The following CTNNA3 variants were observed in gnomAD, a reference collection of about 807,000 sequenced individuals.
The protein encoded by CTNNA3 is catenin alpha 3, also known as catenin alpha-3.
In CTNNA3, 76 loss-of-function variants were observed where a neutral mutation model predicts 95.7. That is an observed-to-expected ratio of 0.79 (90% CI 0.66 to 0.96). The LOEUF is 0.96. CTNNA3 is among the 40% of genes least tolerant of loss of function. The pLI is 0.00. For missense variants in CTNNA3, 1,191 were observed against 1,089.8 expected (o/e 1.09, Z -1.31); for synonymous variants, 431 against 374.4 (o/e 1.15, Z -1.74).
chr10:66,981,339 C>A (rs979162482), intron 7 of CTNNA3, among the ~76,000 whole-genome samples: 1 of 152,162 alleles, frequency 6.6e-6, no homozygotes. Flanking sequence ...TCTGATTAGA[C>A]CTCCTGCTTT....
chr10:67,681,125 A>C (rs971704541), intron 1 of CTNNA3, among the ~76,000 whole-genome samples: 2 of 152,214 alleles, frequency 1.3e-5, no homozygotes, highest in Non-Finnish European at 2.9e-5. Context: ...CAGAAGTGTT[A>C]ATTCTCCCTG....
At chr10:66,490,903 G>C (rs1839901701) in intron 11 of CTNNA3, among the ~76,000 whole-genome samples, 1 of 152,146 alleles carries the variant, frequency 6.6e-6, no homozygotes, top group Admixed American at 6.5e-5. Flanking sequence ...GATGTAGTGA[G>C]AAATAAACCT....
chr10:67,592,323 C>CATTCA (rs1842814277), intron 3 of CTNNA3, among the ~76,000 whole-genome samples: 1 of 152,102 alleles, frequency 6.6e-6, no homozygotes, highest in African/African-American at 2.4e-5. Context: ...ATTTGCTGAA[C>CATTCA]TGCTGGAGCA....
intron 3 of CTNNA3, among the ~76,000 whole-genome samples, chr10:67,560,619 T>A (rs1841472410): frequency 6.6e-6 from 1 of 152,072 alleles, no homozygotes; most frequent in Admixed American, 6.6e-5. Context: ...AATGACAGGA[T>A]CAAATTCACA....
chr10:66,929,318 A>T (rs1472989195), intron 7 of CTNNA3, among the ~76,000 whole-genome samples: 1 of 152,218 alleles, frequency 6.6e-6, no homozygotes, highest in Non-Finnish European at 1.5e-5. Flanking sequence ...AAGGTTCGCG[A>T]ATGGGAAAGC....
chr10:67,637,142 G>C (rs1839345437), intron 2 of CTNNA3, among the ~76,000 whole-genome samples: 1 of 152,144 alleles, frequency 6.6e-6, no homozygotes, highest in African/African-American at 2.4e-5. Flanking sequence ...TGGCTAACTA[G>C]AATACCCAAC....
intron 10 of CTNNA3, among the ~76,000 whole-genome samples, chr10:66,602,369 T>A (rs1441470008): frequency 6.6e-6 from 1 of 151,982 alleles, no homozygotes; most frequent in Non-Finnish European, 1.5e-5. Context: ...ATCTTAAGTT[T>A]TAAAGCTTTT....
chr10:67,183,961 A>G (rs746482621), intron 6 of CTNNA3, among the ~76,000 whole-genome samples: 8 of 152,032 alleles, frequency 5.3e-5, no homozygotes, highest in Non-Finnish European at 8.8e-5. Context: ...TAAGATTAGG[A>G]AACAAAAAGG....
chr10:67,549,414 T>C (rs1319241815), intron 3 of CTNNA3, among the ~76,000 whole-genome samples: 1 of 152,218 alleles, frequency 6.6e-6, no homozygotes. Context: ...GGAGACCCCA[T>C]AGAGCTCATT....
chr10:67,604,832 T>C lies in CTNNA3; in HGVS notation c.292+2025A>G, dbSNP rs562020092. On this transcript the variant is annotated intron_variant, in intron 3 of 17. Coordinates refer to ENST00000433211, the MANE Select transcript of CTNNA3 (RefSeq NM_013266.4). ...AACAAGGACAAAGAGAGGGTCTCAG[T>C]TGGTAGGGAGCAGGGAAAAACAACA... 3.3e-5 allele frequency among the ~76,000 whole-genome samples: 5 copies of C among 152,348 alleles called. No homozygotes were observed. The East Asian group carries it at 7.7e-4, about 23-fold the overall frequency.
chr10:66,088,694 T>A (rs576447495), intron 14 of CTNNA3, among the ~76,000 whole-genome samples: 1 of 152,112 alleles, frequency 6.6e-6, no homozygotes, highest in Non-Finnish European at 1.5e-5. Flanking sequence ...TGTTTGAGTA[T>A]CAATTTTCCA....
chr10:67,598,941 C>G (rs1247944002), intron 3 of CTNNA3, among the ~76,000 whole-genome samples: 1 of 151,990 alleles, frequency 6.6e-6, no homozygotes, highest in East Asian at 1.9e-4. Flanking sequence ...GAAACCAATA[C>G]TCATAAGGAA....
In CTNNA3 at chr10:66,056,861, C is replaced by A. The variant is rs188466164; in HGVS notation, c.2159+12447G>T. Among the ~76,000 whole-genome samples, 387 of 152,254 alleles carry A rather than the reference C, an allele frequency of 2.5e-3. 5 individuals are homozygous for A. Among genetic ancestry groups the A allele is most frequent in the African/African-American group, 9.0e-3 (374 of 41,554 alleles). On this transcript the variant is annotated intron_variant, in intron 15 of 17. Transcript: ENST00000433211. ...GGCCAGAATTTATATGACAGTAGAGCTTTGACCATAACCTCTGCAGCAACC... is the reference window on the plus strand; with the variant it reads ...GGCCAGAATTTATATGACAGTAGAGATTTGACCATAACCTCTGCAGCAACC...
intron 9 of CTNNA3, among the ~76,000 whole-genome samples, chr10:66,697,653 G>A (rs768795170): frequency 6.6e-6 from 1 of 152,028 alleles, no homozygotes; most frequent in Non-Finnish European, 1.5e-5. Flanking sequence ...TGCTCAATGT[G>A]CTCGTCTATG....
At chr10:66,226,580 T>A (rs1346569650) in intron 13 of CTNNA3, among the ~76,000 whole-genome samples, 1 of 151,720 alleles carries the variant, frequency 6.6e-6, no homozygotes, top group Non-Finnish European at 1.5e-5. Flanking sequence ...TTTTCCTTTT[T>A]TTTTTTTTGA....
At chr10:65,938,708 A>G (rs980536460) in intron 17 of CTNNA3, among the ~76,000 whole-genome samples, 5 of 152,070 alleles carry the variant, frequency 3.3e-5, no homozygotes, top group African/African-American at 1.2e-4. Flanking sequence ...AGAAGCCTAT[A>G]AGGCATCTTT....
chr10:66,113,919 C>G (rs940960853), intron 13 of CTNNA3, among the ~76,000 whole-genome samples: 1 of 151,958 alleles, frequency 6.6e-6, no homozygotes, highest in African/African-American at 2.4e-5. Context: ...CATTACTCTT[C>G]TTGATCTATG....
rs142399630 is a variant in CTNNA3 at position 67,140,898 on chromosome 10, C to A, written c.1047+39419G>T. On this transcript the variant is annotated intron_variant, in intron 7 of 17. Coordinates refer to ENST00000433211, the MANE Select transcript of CTNNA3 (RefSeq NM_013266.4). ...AAGACAGCATTGCTACATTACATTG[C>A]ATCTTTAGGCCTATTTAATGGGTGA... 1.2e-3 allele frequency among the ~76,000 whole-genome samples: 189 copies of A among 152,286 alleles called. 1 individual carries two copies. Among genetic ancestry groups the A allele is most frequent in the African/African-American group, 4.2e-3 (174 of 41,568 alleles).
chr10:66,429,930 G>T (rs931953232), intron 11 of CTNNA3, among the ~76,000 whole-genome samples: 3 of 150,920 alleles, frequency 2.0e-5, no homozygotes, highest in African/African-American at 4.9e-5. Context: ...AGGAAATAAA[G>T]GGTATTCAAT....
Sources: gnomAD v4.1 joint callset for allele counts (sites outside exome capture counted in the v4.1 genomes callset) on GRCh38, gnomAD v4.1.1 for gene constraint, MANE v1.5 for transcripts, NCBI Gene and HGNC (gene_info 2026-07-23, HGNC 2026-07-21) for gene names.